The following ZC3H4 variants were observed in gnomAD, a reference collection of about 807,000 sequenced individuals.
ZC3H4 encodes zinc finger CCCH domain-containing protein 4.
In ZC3H4, 13 loss-of-function variants were observed where a neutral mutation model predicts 108.3. That is an observed-to-expected ratio of 0.12 (90% CI 0.08 to 0.19). The LOEUF (loss-of-function observed/expected upper bound fraction) is 0.19, where lower values mean the gene tolerates loss of function less well. Ranked by LOEUF, ZC3H4 falls within the 10% of genes least tolerant of loss-of-function variation. The pLI, the probability that ZC3H4 is intolerant of heterozygous loss-of-function variation, is 1.00. For missense variants in ZC3H4, 1,734 were observed against 1,838.8 expected (o/e 0.94, Z 1.04); for synonymous variants, 917 against 749.6 (o/e 1.22, Z -3.65).
chr19:47,105,103 G>C (rs561693728), intron 2 of ZC3H4, among the ~76,000 whole-genome samples: 4 of 152,092 alleles, frequency 2.6e-5, no homozygotes, highest in African/African-American at 9.7e-5. Context: ...CCACCCTCTC[G>C]AGGGCCAACT....
chr19:47,112,513 T>TGGCGGCGGCGGCGATGGCGGC lies in ZC3H4; in HGVS notation c.51_71dup (p.Pro18_Pro24dup), dbSNP rs1175245264. ...AACACGGAGGAGGCGAAGGCGTTGA[T>TGGCGGCGGCGGCGATGGCGGC]GGCGGCGGCGGCGATGGCGGCGGCG... On this transcript the variant is annotated inframe_insertion, in exon 2 of 15. Coordinates refer to ENST00000253048, the MANE Select transcript of ZC3H4 (RefSeq NM_015168.2). 8 of 1,090,422 alleles carry TGGCGGCGGCGGCGATGGCGGC rather than the reference T, an allele frequency of 7.3e-6. No individual in the cohort carries two copies. Among genetic ancestry groups the TGGCGGCGGCGGCGATGGCGGC allele is most frequent in the South Asian group, 9.0e-5 (2 of 22,160 alleles). The allele number at this position is 1,090,422 out of a possible 1,614,324, so 67.5% of individuals were successfully genotyped here.
At position 47,093,985 on chromosome 19, in the gene ZC3H4, G is replaced by A; in HGVS notation, c.477C>T (p.Ser159=). 1 of 1,614,092 alleles carries A rather than the reference G, an allele frequency of 6.2e-7. No individual in the cohort carries two copies. The highest frequency in any genetic ancestry group is 8.5e-7 in the Non-Finnish European group (1 of 1,179,966). The change falls in exon 4 of 15, where the codon AGC becomes AGT. Residue 159 remains serine (S), a synonymous_variant. Transcript: ENST00000253048. ...EKGHRKYREY[S]PPYAPSHQQY... ...AGTCACTCACCGGCGCATATGGGGGGCTGTACTCTCTGTACTTGCGGTGAC... is the reference window on the plus strand; with the variant it reads ...AGTCACTCACCGGCGCATATGGGGGACTGTACTCTCTGTACTTGCGGTGAC...
intron 2 of ZC3H4, among the ~76,000 whole-genome samples, chr19:47,095,719 GAC>G (rs1475714081): frequency 6.6e-6 from 1 of 152,150 alleles, no homozygotes; most frequent in African/African-American, 2.4e-5. Context: ...CAAACCCACA[GAC>G]ACAGTGTTCA....
intron 10 of ZC3H4, 105 bp from the exon 11 acceptor site, chr19:47,081,727 C>G: frequency 1.9e-6 from 2 of 1,034,802 alleles, no homozygotes; most frequent in Non-Finnish European, 3.0e-6. Flanking sequence ...GATAAGAAAT[C>G]TGAGCCCAGA....
chr19:47,083,207 T>C (rs11083860), intron 9 of ZC3H4, among the ~76,000 whole-genome samples: 78,843 of 149,608 alleles, frequency 0.53, 24,321 homozygotes, highest in Non-Finnish European at 0.71. Context: ...ATGGCATGAA[T>C]CCAGGAGGCA....
chr19:47,087,599 C>T (rs1202570718), intron 5 of ZC3H4, among the ~76,000 whole-genome samples: 1 of 152,120 alleles, frequency 6.6e-6, no homozygotes, highest in East Asian at 1.9e-4. Context: ...AAAAATTAGG[C>T]CAGGCGCAGT....
At chr19:47,110,812 G>T in intron 2 of ZC3H4, 1 of 730,762 alleles carries the variant, frequency 1.4e-6, no homozygotes, top group Non-Finnish European at 1.7e-6. Context: ...TTGAACTGGA[G>T]TCGGGCTGCG....
intron 11 of ZC3H4, among the ~76,000 whole-genome samples, chr19:47,079,016 G>C (rs1485854662): frequency 6.7e-6 from 1 of 149,080 alleles, no homozygotes; most frequent in African/African-American, 2.4e-5. Flanking sequence ...AACAAAGCAA[G>C]ACTCCATTTC....
intron 13 of ZC3H4, 109 bp from the exon 14 acceptor site, chr19:47,069,452 G>T: frequency 7.2e-7 from 1 of 1,390,260 alleles, no homozygotes; most frequent in Admixed American, 2.3e-5. Flanking sequence ...GGAGAAGGAC[G>T]CACAGCCTGC....
chr19:47,082,215 G>A lies in ZC3H4; in HGVS notation c.1299C>T (p.Cys433=), dbSNP rs749984605. 5.0e-6 allele frequency: 8 copies of A among 1,613,826 alleles called. No homozygotes were observed. Among genetic ancestry groups the A allele is most frequent in the African/African-American group, 2.7e-5 (2 of 74,898 alleles). The change falls in exon 10 of 15, where the codon TGC becomes TGT. Residue 433 remains cysteine, a synonymous_variant. Coordinates refer to ENST00000253048, the MANE Select transcript of ZC3H4 (RefSeq NM_015168.2). ...ELCKFYITGF[C]ARAENCPYMH... ...TATAAGGGCAGTTCTCAGCTCTGGC[G>A]CAAAATCCAGTGATGTAAAACTTGC... is the stretch of plus-strand genomic sequence containing the variant.
intron 4 of ZC3H4, among the ~76,000 whole-genome samples, chr19:47,093,236 A>AAAAAG (rs1568558137): frequency 6.6e-6 from 1 of 152,052 alleles, no homozygotes; most frequent in East Asian, 1.9e-4. Flanking sequence ...AAAAAAAAAA[A>AAAAAG]AAAATGATTT....
rs78020601 is a variant in ZC3H4 at position 47,072,037 on chromosome 19, A to G, written c.1887T>C (p.His629=). The G allele has an allele frequency of 6.9e-3, 10,935 of 1,586,664 alleles. 295 individuals carry two copies. The African/African-American group carries it at 0.082, about 12-fold the overall frequency. ...GGTGCATGTCGGGGTGCATGTCAGG[A>G]TGCATTGGACCGCCCATTGGCCCTG... The part of the protein sequence containing the change: ...GPPGPMGGPM[H]PDMHPDMHPD... The change falls in exon 13 of 15, where the codon CAT becomes CAC. Residue 629 remains histidine, a synonymous_variant. Coordinates refer to ENST00000253048, the MANE Select transcript of ZC3H4 (RefSeq NM_015168.2). This position sits in a 1 kb window ranked among gnomAD's most constrained non-coding sequence, Gnocchi z 5.6.
chr19:47,087,528 A>G (rs1486892843), intron 5 of ZC3H4, among the ~76,000 whole-genome samples: 1 of 152,076 alleles, frequency 6.6e-6, no homozygotes, highest in Non-Finnish European at 1.5e-5. Flanking sequence ...TGAGAACAGG[A>G]GTTCGAAACA....
rs1183133073 is a variant in ZC3H4, at chr19:47,081,518, C to T, written c.1435G>A (p.Asp479Asn). The T allele has an allele frequency of 6.2e-6, 10 of 1,614,066 alleles. No homozygotes were observed. In the African/African-American group the frequency reaches 9.3e-5, roughly 15 times the overall value. ...CCGTTACCCCCGGACATTACCTTATCCAAGAGCTCCCTCGTCTCTTCGGTC... is the reference window on the plus strand; with the variant it reads ...CCGTTACCCCCGGACATTACCTTATTCAAGAGCTCCCTCGTCTCTTCGGTC... ...PLTEETRELL[D>N]KMLADDAEAG... Residue 479 changes from aspartate to asparagine, a missense_variant, in exon 11 of 15, where the codon GAT becomes AAT. This residue lies in a region of ZC3H4 where 66 missense variants were observed against 166.8 expected (regional missense o/e 0.40). Coordinates refer to ENST00000253048, the MANE Select transcript of ZC3H4 (RefSeq NM_015168.2).
intron 2 of ZC3H4, among the ~76,000 whole-genome samples, chr19:47,111,799 G>A (rs1412125848): frequency 2.0e-5 from 3 of 151,822 alleles, no homozygotes; most frequent in Admixed American, 6.6e-5. Flanking sequence ...CAAGGATGGA[G>A]AAGGGACCTG....
At position 47,081,653 on chromosome 19, in the gene ZC3H4, C is replaced by T. The variant is rs751774511; in HGVS notation, c.1331-31G>A. 11 of 1,578,544 alleles carry T rather than the reference C, an allele frequency of 7.0e-6. No homozygotes were observed. In the African/African-American group the frequency reaches 1.3e-4, roughly 19 times the overall value. On this transcript the variant is annotated intron_variant, in intron 10 of 14. Coordinates refer to ENST00000253048, the MANE Select transcript of ZC3H4 (RefSeq NM_015168.2). ...TGGCAAATTAAGGTAAATGCTTCAT[C>T]TCACAGAACGCCCCCCTCCCCCACC... is the stretch of plus-strand genomic sequence containing the variant.
intron 9 of ZC3H4, among the ~76,000 whole-genome samples, chr19:47,083,853 G>A (rs567072736): frequency 3.3e-5 from 5 of 152,134 alleles, no homozygotes; most frequent in Non-Finnish European, 5.9e-5. Context: ...AGAAGCTGCC[G>A]GCTGAACTAA....
In ZC3H4 at chr19:47,066,875, C is replaced by G. The variant is rs184799751; in HGVS notation, c.3393G>C (p.Leu1131=). 4,040 of 1,598,566 alleles carry G rather than the reference C, an allele frequency of 2.5e-3. 104 individuals are homozygous for G. In the African/African-American group the frequency reaches 0.047, roughly 19 times the overall value. ...TCTGCCCGCCCCCTCCGCCCTGGCC[C>G]AGTCCACCGGCCGCCAGCACGCGGG... ...YDPRVLAAGG[L]GQGGGGGQSS... Residue 1131 remains leucine (L), a synonymous_variant, in exon 15 of 15, where the codon CTG becomes CTC. Coordinates refer to ENST00000253048, the MANE Select transcript of ZC3H4 (RefSeq NM_015168.2).
chr19:47,109,698 T>C (rs1294110682), intron 2 of ZC3H4, among the ~76,000 whole-genome samples: 2 of 152,218 alleles, frequency 1.3e-5, no homozygotes, highest in East Asian at 1.9e-4. Flanking sequence ...AAGTGGCCTA[T>C]TGAATTGCAG....
Sources: allele counts gnomAD v4.1 joint callset (sites outside exome capture counted in the v4.1 genomes callset), GRCh38; gene constraint gnomAD v4.1.1; regional missense constraint gnomAD v4.1.1; non-coding constraint Gnocchi (gnomAD v3.1); transcripts MANE v1.5; gene names NCBI Gene and HGNC (gene_info 2026-07-23, HGNC 2026-07-21).